VAV2: variants seen among roughly 807,000 people sequenced by gnomAD.
The protein encoded by VAV2 is vav guanine nucleotide exchange factor 2.
Under a neutral mutation model 132.5 loss-of-function variants are expected in VAV2, and 67 were observed. The ratio of observed to expected loss-of-function variants is 0.51; its 90% CI spans 0.42 to 0.62. The LOEUF (loss-of-function observed/expected upper bound fraction) is 0.62. Among genes scored for constraint, VAV2 ranks in the 20% least tolerant of loss-of-function variants. The pLI is 0.00. For synonymous variants in VAV2, 492 were observed against 443.5 expected (o/e 1.11, Z -1.37); for missense variants, 938 against 1,153.6 (o/e 0.81, Z 2.71).
In VAV2 at chr9:133,914,261, C is replaced by G. The variant is rs559723875; in HGVS notation, c.321+24842G>C. 1.6e-3 allele frequency among the ~76,000 whole-genome samples: 243 copies of G among 152,246 alleles called. 1 individual carries two copies. Among genetic ancestry groups the G allele is most frequent in the African/African-American group, 5.8e-3 (239 of 41,554 alleles). On this transcript the variant is annotated intron_variant, in intron 2 of 29. Transcript: ENST00000371850. ...TACCGTGAAGCCCAGCAATCCCGCT[C>G]CTGGGTATGTACCCAACAGGATGGG...
chr9:133,861,015 A>C (rs1363625059), intron 3 of VAV2, among the ~76,000 whole-genome samples: 1 of 152,248 alleles, frequency 6.6e-6, no homozygotes, highest in Non-Finnish European at 1.5e-5. Context: ...CCATCCCTGC[A>C]AACAGACCCC....
chr9:133,846,162 A>G (rs570085705), intron 3 of VAV2, among the ~76,000 whole-genome samples: 1 of 152,320 alleles, frequency 6.6e-6, no homozygotes, highest in Non-Finnish European at 1.5e-5. Flanking sequence ...GAGGTGAAGA[A>G]AGCTGCCCAA....
Position 133,788,240 on chromosome 9 carries a change from G to T in VAV2, c.1407+114C>A, listed in dbSNP as rs1435988914. ...CGGAGACGCCCACCCCAACCCACCCGGCCAGCATCAGCGGCTGACTTCGAG... is the reference window on the plus strand; with the variant it reads ...CGGAGACGCCCACCCCAACCCACCCTGCCAGCATCAGCGGCTGACTTCGAG... On this transcript the variant is annotated intron_variant, in intron 15 of 29. Coordinates refer to ENST00000371850, the MANE Select transcript of VAV2 (RefSeq NM_001134398.2). The surrounding 1 kb of genome is among the most constrained non-coding windows in gnomAD (Gnocchi z 5.3). 5.0e-6 allele frequency: 2 copies of T among 402,812 alleles called. No homozygotes were observed. Among genetic ancestry groups the T allele is most frequent in the Admixed American group, 5.1e-5 (2 of 39,336 alleles). 25.0% of individuals were successfully genotyped at this position (402,812 alleles called of 1,614,324 possible).
chr9:133,904,727 T>C (rs557923378), intron 2 of VAV2, among the ~76,000 whole-genome samples: 6 of 152,232 alleles, frequency 3.9e-5, no homozygotes, highest in Non-Finnish European at 8.8e-5. Flanking sequence ...AGCTTCTCAA[T>C]GCACCACTAC....
chr9:133,860,301 CAA>C (rs776006662), intron 3 of VAV2, among the ~76,000 whole-genome samples: 14 of 115,156 alleles, frequency 1.2e-4, no homozygotes, highest in Admixed American at 2.6e-4. Context: ...GACTCCAGCT[CAA>C]AAAAAAAAAA....
chr9:133,797,906 C>T (rs896972513), intron 9 of VAV2, 97 bp from the exon 10 acceptor site: 113 of 1,104,036 alleles, frequency 1.0e-4, no homozygotes, highest in Non-Finnish European at 1.3e-4. Flanking sequence ...GCTGTAGGTG[C>T]GCAACCAACA....
rs933902119 is a variant in VAV2 at position 133,833,523 on chromosome 9, G to A, written c.449+749C>T. Among the ~76,000 whole-genome samples the A allele has an allele frequency of 6.6e-6, 1 of 152,168 alleles. No individual in the cohort carries two copies. Among genetic ancestry groups the A allele is most frequent in the Non-Finnish European group, 1.5e-5 (1 of 68,032 alleles). ...GGCACCATCTCCCGGTGGCCTGGGA[G>A]GGTGGTGGATGAGCCAGGCCGTGAG... is the stretch of plus-strand genomic sequence containing the variant. On this transcript the variant is annotated intron_variant, in intron 4 of 29. Coordinates refer to ENST00000371850, the MANE Select transcript of VAV2 (RefSeq NM_001134398.2). The surrounding 1 kb of genome is among the most constrained non-coding windows in gnomAD (Gnocchi z 5.6).
At chr9:133,838,968 G>GTGGA (rs1836604453) in intron 3 of VAV2, among the ~76,000 whole-genome samples, 4 of 130,572 alleles carry the variant, frequency 3.1e-5, no homozygotes, top group South Asian at 2.8e-4. Context: ...AGGTGGGTGG[G>GTGGA]TGGATGGATG....
chr9:133,854,094 T>C lies in VAV2; in HGVS notation c.380+7280A>G, dbSNP rs536264977. On this transcript the variant is annotated intron_variant, in intron 3 of 29. Coordinates refer to ENST00000371850, the MANE Select transcript of VAV2 (RefSeq NM_001134398.2). ...GCACACCTGCACATACACCCCCATCTGCACATGCACACACATACCCCTTGC... is the reference window on the plus strand; with the variant it reads ...GCACACCTGCACATACACCCCCATCCGCACATGCACACACATACCCCTTGC... Among the ~76,000 whole-genome samples the C allele has an allele frequency of 2.0e-5, 3 of 150,764 alleles. No homozygotes were observed. The East Asian group carries it at 5.9e-4, about 30-fold the overall frequency.
At chr9:133,778,032 G>C (rs550647168) in intron 22 of VAV2, among the ~76,000 whole-genome samples, 2 of 152,290 alleles carry the variant, frequency 1.3e-5, no homozygotes, top group African/African-American at 4.8e-5. Flanking sequence ...CTTGGTAGAG[G>C]GGCCGAGGAC....
chr9:133,778,596 C>T (rs978560796), intron 22 of VAV2, among the ~76,000 whole-genome samples, 166 bp downstream of exon 22: 1 of 152,350 alleles, frequency 6.6e-6, no homozygotes, highest in Admixed American at 6.5e-5. Context: ...GAACGGGGCA[C>T]TGAGGCAGGA....
intron 22 of VAV2, 109 bp downstream of exon 22, chr9:133,778,653 C>A: frequency 1.4e-6 from 2 of 1,465,088 alleles, no homozygotes; most frequent in South Asian, 2.8e-5. Context: ...GGTGGTCTCT[C>A]ACCTCTCTGC....
At chr9:133,989,339 C>CAAAAA (rs34368097) in intron 1 of VAV2, among the ~76,000 whole-genome samples, 1 of 107,232 alleles carries the variant, frequency 9.3e-6, no homozygotes, top group African/African-American at 3.7e-5. Flanking sequence ...AACTCCATCT[C>CAAAAA]AAAAAAAAAA....
intron 9 of VAV2, among the ~76,000 whole-genome samples, chr9:133,801,544 G>A (rs548774296): frequency 6.6e-6 from 1 of 152,370 alleles, no homozygotes; most frequent in African/African-American, 2.4e-5. Flanking sequence ...TGACCCAGGG[G>A]CAGAGCAGAT....
chr9:133,962,655 C>T (rs981055624), intron 1 of VAV2, among the ~76,000 whole-genome samples: 1 of 152,138 alleles, frequency 6.6e-6, no homozygotes, highest in Non-Finnish European at 1.5e-5. Context: ...TGCTGGGACT[C>T]GGGGGGCTGT....
chr9:133,965,539 C>T (rs1327319538), intron 1 of VAV2, among the ~76,000 whole-genome samples: 1 of 147,612 alleles, frequency 6.8e-6, no homozygotes, highest in African/African-American at 2.5e-5. Context: ...TTTATAACAG[C>T]TACAAAATAA....
intron 24 of VAV2, among the ~76,000 whole-genome samples, chr9:133,775,448 A>AT (rs753777878): frequency 6.6e-6 from 1 of 152,268 alleles, no homozygotes; most frequent in African/African-American, 2.4e-5. Context: ...CAGTAAAGGC[A>AT]TAACTGCTTA....
chr9:133,773,910 C>T (rs1028918666), intron 25 of VAV2, among the ~76,000 whole-genome samples: 1 of 152,114 alleles, frequency 6.6e-6, no homozygotes, highest in East Asian at 1.9e-4. Context: ...TTGTTTACAC[C>T]AGCATAACCA....
At chr9:133,988,501 G>A (rs1253621831) in intron 1 of VAV2, among the ~76,000 whole-genome samples, 2 of 152,188 alleles carry the variant, frequency 1.3e-5, no homozygotes, top group African/African-American at 2.4e-5. Flanking sequence ...AACACAGGCA[G>A]CAACCCCCAC....
Sources: allele counts gnomAD v4.1 joint callset (sites outside exome capture counted in the v4.1 genomes callset), GRCh38; gene constraint gnomAD v4.1.1; non-coding constraint Gnocchi (gnomAD v3.1); transcripts MANE v1.5; gene names NCBI Gene and HGNC (gene_info 2026-07-23, HGNC 2026-07-21).